The following AGBL4 variants were observed in gnomAD, a reference collection of about 807,000 sequenced individuals.
AGBL4 encodes the protein cytosolic carboxypeptidase 6.
Under a neutral mutation model 66.4 loss-of-function variants are expected in AGBL4, and 58 were observed. The ratio of observed to expected loss-of-function variants is 0.87; its 90% CI spans 0.71 to 1.09. The LOEUF (loss-of-function observed/expected upper bound fraction) is 1.09. AGBL4 is among the 50% of genes least tolerant of loss of function. AGBL4 has a pLI of 0.00. For missense variants in AGBL4, 579 were observed against 631.0 expected (o/e 0.92, Z 0.88); for synonymous variants, 234 against 222.9 (o/e 1.05, Z -0.44).
intron 1 of AGBL4, among the ~76,000 whole-genome samples, chr1:49,936,419 C>T (rs988031376): frequency 2.6e-5 from 4 of 152,142 alleles, no homozygotes; most frequent in East Asian, 1.9e-4. Flanking sequence ...CTCTGCAGGA[C>T]ATTACCCAGG....
At chr1:48,542,740 C>T (rs1431698319) in intron 11 of AGBL4, among the ~76,000 whole-genome samples, 3 of 151,882 alleles carry the variant, frequency 2.0e-5, no homozygotes, top group Non-Finnish European at 4.4e-5. Flanking sequence ...GGATATTAGC[C>T]CTTTGTCAGA....
chr1:49,536,362 G>A (rs1219883142), intron 3 of AGBL4, among the ~76,000 whole-genome samples: 1 of 152,154 alleles, frequency 6.6e-6, no homozygotes. Flanking sequence ...TTATCTGTGT[G>A]TGTGCGTGTG....
At chr1:49,519,583 G>A (rs1558016591) in intron 3 of AGBL4, among the ~76,000 whole-genome samples, 1 of 152,026 alleles carries the variant, frequency 6.6e-6, no homozygotes, top group East Asian at 1.9e-4. Flanking sequence ...TTCACCACCA[G>A]TGGCTTTGAA....
chr1:49,739,254 G>T (rs1254505873), intron 2 of AGBL4, among the ~76,000 whole-genome samples: 1 of 152,182 alleles, frequency 6.6e-6, no homozygotes, highest in Non-Finnish European at 1.5e-5. Flanking sequence ...ACTACATGAG[G>T]AATGCACAAG....
At chr1:48,718,383 T>C (rs1036134124) in intron 6 of AGBL4, among the ~76,000 whole-genome samples, 7 of 152,172 alleles carry the variant, frequency 4.6e-5, no homozygotes, top group African/African-American at 1.7e-4. Flanking sequence ...GCTTTCTGCT[T>C]AAATGGCCTA....
intron 4 of AGBL4, among the ~76,000 whole-genome samples, chr1:49,217,663 G>T (rs773541360): frequency 1.3e-5 from 2 of 152,016 alleles, no homozygotes; most frequent in Non-Finnish European, 2.9e-5. Context: ...GATTGTGCCT[G>T]GAACATAATA....
intron 6 of AGBL4, among the ~76,000 whole-genome samples, chr1:48,676,527 A>G (rs935385319): frequency 1.3e-5 from 2 of 152,246 alleles, no homozygotes; most frequent in African/African-American, 4.8e-5. Flanking sequence ...TTGTATTTGT[A>G]AAGCACGTAG....
intron 1 of AGBL4, among the ~76,000 whole-genome samples, chr1:49,999,292 C>T (rs1660576569): frequency 6.7e-6 from 1 of 149,384 alleles, no homozygotes; most frequent in Admixed American, 6.7e-5. Flanking sequence ...AGCAAGCAGG[C>T]TGAAAATCCA....
intron 5 of AGBL4, among the ~76,000 whole-genome samples, chr1:48,869,885 C>A (rs879336396): frequency 6.6e-6 from 1 of 152,092 alleles, no homozygotes; most frequent in Non-Finnish European, 1.5e-5. Context: ...TCTTAAGGGC[C>A]TAGAACACCT....
intron 4 of AGBL4, among the ~76,000 whole-genome samples, chr1:49,057,737 G>T (rs1291423187): frequency 6.6e-6 from 1 of 151,670 alleles, no homozygotes; most frequent in African/African-American, 2.4e-5. Flanking sequence ...TGCATGTGTG[G>T]TGCTTGTTTG....
At chr1:49,986,705 T>C (rs990192219) in intron 1 of AGBL4, among the ~76,000 whole-genome samples, 5 of 152,112 alleles carry the variant, frequency 3.3e-5, no homozygotes, top group African/African-American at 1.2e-4. Flanking sequence ...CTCACACATT[T>C]CTATTTCATA....
intron 3 of AGBL4, among the ~76,000 whole-genome samples, chr1:49,371,817 CTGTGTGTGTGTGTGTGTGTGTGTG>C (rs55882947): frequency 2.9e-4 from 40 of 140,060 alleles, no homozygotes; most frequent in African/African-American, 5.9e-4. Flanking sequence ...TTTTCAAACT[CTGTGTGTGTGTGTGTGTGTGTGTG>C]TGTGTGTGTG....
chr1:48,781,190 G>C (rs1205409866), intron 6 of AGBL4, among the ~76,000 whole-genome samples: 1 of 152,064 alleles, frequency 6.6e-6, no homozygotes, highest in Admixed American at 6.5e-5. Flanking sequence ...GAAAAGAACA[G>C]ACGATGGACC....
intron 4 of AGBL4, among the ~76,000 whole-genome samples, chr1:49,069,074 G>C (rs1173362664): frequency 6.6e-6 from 1 of 152,036 alleles, no homozygotes; most frequent in Non-Finnish European, 1.5e-5. Flanking sequence ...TTCTTGATGG[G>C]GTTGTTTGTT....
intron 3 of AGBL4, among the ~76,000 whole-genome samples, chr1:49,426,436 G>T (rs2148650425): frequency 6.6e-6 from 1 of 152,234 alleles, no homozygotes; most frequent in South Asian, 2.1e-4. Flanking sequence ...TTTACTGTTT[G>T]CTCCATTTAT....
intron 5 of AGBL4, among the ~76,000 whole-genome samples, chr1:49,010,519 G>GA (rs572583391): frequency 0.078 from 10,749 of 137,344 alleles, 689 homozygotes; most frequent in African/African-American, 0.17. Context: ...CACAGAATTG[G>GA]AAAAAACTAC....
intron 3 of AGBL4, among the ~76,000 whole-genome samples, chr1:49,259,772 C>T (rs1652929256): frequency 1.4e-4 from 17 of 117,390 alleles, no homozygotes; most frequent in Middle Eastern, 3.9e-3. Context: ...AACAAGGATA[C>T]CCAGGAATTG....
chr1:49,737,640 C>T (rs1222884490), intron 2 of AGBL4, among the ~76,000 whole-genome samples: 1 of 152,020 alleles, frequency 6.6e-6, no homozygotes, highest in Non-Finnish European at 1.5e-5. Flanking sequence ...ATACAATATT[C>T]CCAGATAACA....
intron 9 of AGBL4, among the ~76,000 whole-genome samples, chr1:48,625,147 C>T (rs1366123315): frequency 7.4e-6 from 1 of 134,850 alleles, no homozygotes; most frequent in Non-Finnish European, 1.6e-5. Flanking sequence ...CTTCCTTTCT[C>T]TTTCTCTCTC....
Sources: allele counts gnomAD v4.1 joint callset (sites outside exome capture counted in the v4.1 genomes callset), GRCh38; gene constraint gnomAD v4.1.1; transcripts MANE v1.5; gene names NCBI Gene and HGNC (gene_info 2026-07-23, HGNC 2026-07-21).